MRPL45: variants seen among roughly 807,000 people sequenced by gnomAD.
MRPL45 encodes large ribosomal subunit protein mL45.
Under a neutral mutation model 38.1 loss-of-function variants are expected in MRPL45, and 20 were observed. The ratio of observed to expected loss-of-function variants is 0.53; its 90% confidence interval spans 0.37 to 0.76. The LOEUF (loss-of-function observed/expected upper bound fraction) is 0.76. MRPL45 is among the 30% of genes least tolerant of loss of function. MRPL45 has a pLI of 0.00. For missense variants in MRPL45, 337 were observed against 395.6 expected, an observed-to-expected ratio of 0.85 and a Z score of 1.26; for synonymous variants, 105 against 128.8, an observed-to-expected ratio of 0.82 and a Z score of 1.25.
intron 4 of MRPL45, among the ~76,000 whole-genome samples, chr17:38,311,568 C>T (rs1478537060): frequency 2.6e-5 from 4 of 151,876 alleles, no homozygotes; most frequent in African/African-American, 9.7e-5. Flanking sequence ...TACCTGTAGT[C>T]CCGGTTACTT....
chr17:38,314,743 G>A (rs541298543), intron 4 of MRPL45, among the ~76,000 whole-genome samples: 1 of 152,234 alleles, frequency 6.6e-6, no homozygotes, highest in African/African-American at 2.4e-5. Context: ...AAGTGGCCAG[G>A]CCGGTCTCAA....
chr17:38,315,027 A>G (rs943378249), intron 4 of MRPL45, among the ~76,000 whole-genome samples: 1 of 152,218 alleles, frequency 6.6e-6, no homozygotes, highest in African/African-American at 2.4e-5. Context: ...CATTACATCA[A>G]TTCATAATTA....
At chr17:38,314,813 T>C (rs1404069293) in intron 4 of MRPL45, among the ~76,000 whole-genome samples, 1 of 152,254 alleles carries the variant, frequency 6.6e-6, no homozygotes, top group Non-Finnish European at 1.5e-5. Context: ...ATTACAGGCA[T>C]GGGCCACCGC....
At chr17:38,305,055 CA>C (rs1255516743) in intron 3 of MRPL45, among the ~76,000 whole-genome samples, 6 of 151,402 alleles carry the variant, frequency 4.0e-5, no homozygotes, top group Non-Finnish European at 7.4e-5. Context: ...CCATGTTGGC[CA>C]GGATGATCTC....
intron 6 of MRPL45, among the ~76,000 whole-genome samples, chr17:38,321,564 G>A (rs1845783028): frequency 6.6e-6 from 1 of 152,048 alleles, no homozygotes; most frequent in African/African-American, 2.4e-5. Flanking sequence ...CATGGTGTGT[G>A]CCCGTAGTCC....
intron 4 of MRPL45, among the ~76,000 whole-genome samples, chr17:38,312,769 A>G (rs1395144186): frequency 6.6e-6 from 1 of 151,616 alleles, no homozygotes; most frequent in East Asian, 1.9e-4. Flanking sequence ...GCTTGAGCTC[A>G]GGGATTTTTG....
intron 3 of MRPL45, among the ~76,000 whole-genome samples, chr17:38,303,884 G>A (rs1438582019): frequency 5.3e-5 from 8 of 152,130 alleles, no homozygotes; most frequent in Admixed American, 2.0e-4. Flanking sequence ...GCGCCACCAC[G>A]CCCAGCTAAT....
intron 4 of MRPL45, among the ~76,000 whole-genome samples, chr17:38,312,820 T>C (rs539446542): frequency 3.1e-4 from 45 of 146,602 alleles, no homozygotes; most frequent in Admixed American, 1.5e-3. Flanking sequence ...CACTCCAGCC[T>C]CAATGACAGA....
At chr17:38,322,334 C>A (rs745725137) in intron 7 of MRPL45, 35 bp downstream of exon 7, 2 of 1,604,610 alleles carry the variant, frequency 1.2e-6, no homozygotes, top group South Asian at 1.1e-5. Flanking sequence ...AGAGCTGAGG[C>A]ACTACTCGTG....
At chr17:38,316,019 C>G (rs1450283569) in intron 4 of MRPL45, among the ~76,000 whole-genome samples, 2 of 152,122 alleles carry the variant, frequency 1.3e-5, no homozygotes, top group Non-Finnish European at 2.9e-5. Flanking sequence ...AGGTGATCCA[C>G]CCACCTTGGC....
intron 3 of MRPL45, among the ~76,000 whole-genome samples, chr17:38,301,709 C>A (rs2036997594): frequency 6.6e-6 from 1 of 152,216 alleles, no homozygotes; most frequent in South Asian, 2.1e-4. Flanking sequence ...GAACAAAGCA[C>A]ATACGGTTTT....
intron 4 of MRPL45, among the ~76,000 whole-genome samples, chr17:38,308,520 A>C (rs1014715820): frequency 2.6e-5 from 4 of 151,680 alleles, no homozygotes; most frequent in African/African-American, 9.7e-5. Flanking sequence ...GGCTCACTGC[A>C]ACCTCTGCCT....
chr17:38,315,466 G>A (rs574171216), intron 4 of MRPL45, among the ~76,000 whole-genome samples: 98 of 149,714 alleles, frequency 6.5e-4, no homozygotes, highest in African/African-American at 2.2e-3. Context: ...CAGGGGTCTC[G>A]CTTTGTTGCC....
chr17:38,305,431 T>C (rs76188560), intron 3 of MRPL45, among the ~76,000 whole-genome samples: 1 of 144,202 alleles, frequency 6.9e-6, no homozygotes, highest in Non-Finnish European at 1.5e-5. Context: ...TGCGCCACTG[T>C]ACTCCAGCCT....
At chr17:38,301,034 T>C (rs1344173029) in intron 3 of MRPL45, among the ~76,000 whole-genome samples, 2 of 152,186 alleles carry the variant, frequency 1.3e-5, no homozygotes, top group Non-Finnish European at 2.9e-5. Context: ...AAGAATAAAA[T>C]CCAGATATCT....
chr17:38,304,098 T>TA (rs2037027251), intron 3 of MRPL45, among the ~76,000 whole-genome samples: 1 of 152,194 alleles, frequency 6.6e-6, no homozygotes, highest in Admixed American at 6.6e-5. Flanking sequence ...TAAAAAGAAA[T>TA]ATTTTATTCT....
At chr17:38,304,621 A>G (rs1287915827) in intron 3 of MRPL45, among the ~76,000 whole-genome samples, 1 of 151,874 alleles carries the variant, frequency 6.6e-6, no homozygotes, top group African/African-American at 2.4e-5. Flanking sequence ...TTGACTTACT[A>G]CAACCTCTGC....
At chr17:38,314,396 G>A (rs1201282600) in intron 4 of MRPL45, among the ~76,000 whole-genome samples, 4 of 152,078 alleles carry the variant, frequency 2.6e-5, no homozygotes, top group East Asian at 3.9e-4. Context: ...GAGCCACTGC[G>A]CCTGCCGTCT....
rs138863014 is a variant in MRPL45 at position 38,318,701 on chromosome 17, G to A, written c.476G>A (p.Arg159Gln). ...TTCTTTTCTAGCTCAGACCATGACCGGCTTCATACCTTGGTAACTGAACAC... is the reference window on the plus strand; with the variant it reads ...TTCTTTTCTAGCTCAGACCATGACCAGCTTCATACCTTGGTAACTGAACAC... Reference protein sequence around the residue: ...HLCLNNSDHDRLHTLVTEHCF... With the variant: ...HLCLNNSDHDQLHTLVTEHCF... Residue 159 changes from arginine to glutamine, a missense_variant, in exon 5 of 8, where the codon CGG becomes CAG. Arg to Gln is a conservative substitution (Grantham distance 43, BLOSUM62 1). Transcript: ENST00000613675. 21 of 1,609,602 alleles carry A rather than the reference G, an allele frequency of 1.3e-5. No individual in the cohort carries two copies. The East Asian group carries it at 2.0e-4, about 15-fold the overall frequency.
Sources: allele counts gnomAD v4.1 joint callset (sites outside exome capture counted in the v4.1 genomes callset), GRCh38; gene constraint gnomAD v4.1.1; transcripts MANE v1.5; gene names NCBI Gene and HGNC (gene_info 2026-07-23, HGNC 2026-07-21).